The following ARL15 variants were observed in gnomAD, a reference collection of about 807,000 sequenced individuals.
ARL15 encodes ARF like GTPase 15, also known as ADP-ribosylation factor-like protein 15.
ARL15 carries 19 observed loss-of-function variants against 25.2 expected under a neutral mutation model. The observed-to-expected ratio is 0.75, with a 90% CI of 0.53 to 1.10. The LOEUF (loss-of-function observed/expected upper bound fraction) is 1.10, where lower values mean the gene tolerates loss of function less well. Among genes scored for constraint, ARL15 ranks in the 50% least tolerant of loss-of-function variants. The pLI is 0.00. For synonymous variants in ARL15, 94 were observed against 86.8 expected, an observed-to-expected ratio of 1.08 and a Z score of -0.46; for missense variants, 220 against 246.0, an observed-to-expected ratio of 0.89 and a Z score of 0.71.
intron 4 of ARL15, among the ~76,000 whole-genome samples, chr5:54,000,328 A>G (rs3776720): frequency 0.28 from 42,737 of 152,012 alleles, 6,241 homozygotes; most frequent in East Asian, 0.46. Context: ...GCTGCATGTG[A>G]GGGTGGTAAT....
At chr5:54,094,906 G>A (rs996220913) in intron 4 of ARL15, among the ~76,000 whole-genome samples, 3 of 152,148 alleles carry the variant, frequency 2.0e-5, no homozygotes, top group African/African-American at 4.8e-5. Context: ...GGATATTGCC[G>A]ACTTGCTAAA....
chr5:54,171,734 C>G, intron 2 of ARL15, 50 bp downstream of exon 2: 1 of 1,558,474 alleles, frequency 6.4e-7, no homozygotes, highest in Non-Finnish European at 8.7e-7. Flanking sequence ...GAAACTAGGA[C>G]ATCTTGGGAT....
chr5:54,145,683 G>C (rs1753887073), intron 3 of ARL15, among the ~76,000 whole-genome samples: 1 of 152,128 alleles, frequency 6.6e-6, no homozygotes, highest in South Asian at 2.1e-4. Context: ...TGCATCCTCA[G>C]GGCCTGGCAT....
chr5:54,038,233 A>G (rs1428439967), intron 4 of ARL15, among the ~76,000 whole-genome samples: 1 of 152,128 alleles, frequency 6.6e-6, no homozygotes, highest in Non-Finnish European at 1.5e-5. Flanking sequence ...TTATCCAAAC[A>G]TTATGCACTG....
rs138084011 is a variant in ARL15, at chr5:54,274,543, G to A, written c.48+35889C>T. Among the ~76,000 whole-genome samples the A allele has an allele frequency of 1.6e-3, 240 of 152,240 alleles. 1 individual carries two copies. Among genetic ancestry groups the A allele is most frequent in the Admixed American group, 1.6e-3 (25 of 15,298 alleles). On this transcript the variant is annotated intron_variant, in intron 1 of 4. Coordinates refer to ENST00000504924, the MANE Select transcript of ARL15 (RefSeq NM_019087.3). ...TGTAAATTCCCCTGCCAGAAAGGTGGTATGCTAGCCAGATGTTCTCACTCT... is the reference window on the plus strand; with the variant it reads ...TGTAAATTCCCCTGCCAGAAAGGTGATATGCTAGCCAGATGTTCTCACTCT...
At chr5:54,151,445 G>A (rs1348236866) in intron 3 of ARL15, among the ~76,000 whole-genome samples, 1 of 152,038 alleles carries the variant, frequency 6.6e-6, no homozygotes, top group African/African-American at 2.4e-5. Flanking sequence ...CCCTGAAGAT[G>A]AGGGCTGTGC....
In ARL15 at chr5:54,226,598, T is replaced by A. The variant is rs981255799; in HGVS notation, c.49-54670A>T. Among the ~76,000 whole-genome samples the A allele has an allele frequency of 3.3e-5, 5 of 152,212 alleles. No individual in the cohort carries two copies. In the East Asian group the frequency reaches 9.6e-4, roughly 29 times the overall value. On this transcript the variant is annotated intron_variant, in intron 1 of 4. Coordinates refer to ENST00000504924, the MANE Select transcript of ARL15 (RefSeq NM_019087.3). Reference sequence around the variant, plus strand: ...AAATATAACTTTCTGAATAGACTAATTTCAAAGACTGTTAAAAATAATCTT... The same window carrying A: ...AAATATAACTTTCTGAATAGACTAAATTCAAAGACTGTTAAAAATAATCTT...
intron 1 of ARL15, among the ~76,000 whole-genome samples, chr5:54,294,366 A>G (rs1758414855): frequency 5.3e-5 from 8 of 152,226 alleles, no homozygotes; most frequent in Admixed American, 4.6e-4. Context: ...ACATATGTAT[A>G]TTACGTTCAG....
At chr5:54,012,381 T>TA (rs1460323643) in intron 4 of ARL15, among the ~76,000 whole-genome samples, 86 of 152,314 alleles carry the variant, frequency 5.6e-4, no homozygotes, top group Non-Finnish European at 2.8e-4. Context: ...CCCTAGCTCT[T>TA]ATTTGGTCAC....
intron 1 of ARL15, among the ~76,000 whole-genome samples, chr5:54,197,038 T>C (rs1755569384): frequency 6.6e-6 from 1 of 152,194 alleles, no homozygotes; most frequent in Non-Finnish European, 1.5e-5. Flanking sequence ...TGGGATATTT[T>C]TGGGAAACAG....
At chr5:54,170,440 C>T (rs569345207) in intron 2 of ARL15, among the ~76,000 whole-genome samples, 27 of 152,260 alleles carry the variant, frequency 1.8e-4, no homozygotes, top group Admixed American at 6.5e-4. Context: ...ACTATCTACA[C>T]GAAAAGCCCA....
intron 1 of ARL15, among the ~76,000 whole-genome samples, chr5:54,271,317 G>A (rs1757777700): frequency 6.6e-6 from 1 of 152,132 alleles, no homozygotes; most frequent in African/African-American, 2.4e-5. Flanking sequence ...ATTGGTTCCA[G>A]GACCTCCTTC....
chr5:53,915,025 A>G (rs1463814373), intron 4 of ARL15, among the ~76,000 whole-genome samples: 2 of 152,100 alleles, frequency 1.3e-5, no homozygotes, highest in Non-Finnish European at 2.9e-5. Flanking sequence ...TGGCCAGGCT[A>G]GTCTCAAACT....
intron 1 of ARL15, among the ~76,000 whole-genome samples, chr5:54,235,048 T>C (rs1756767565): frequency 6.6e-6 from 1 of 152,218 alleles, no homozygotes; most frequent in Admixed American, 6.5e-5. Context: ...GTTCAAATTA[T>C]GTCTTATTAA....
At chr5:54,252,881 A>G (rs1409206720) in intron 1 of ARL15, among the ~76,000 whole-genome samples, 1 of 151,974 alleles carries the variant, frequency 6.6e-6, no homozygotes, top group Non-Finnish European at 1.5e-5. Context: ...GCGCACCACC[A>G]TGCCTGGAAT....
Position 54,020,543 on chromosome 5 carries a change from G to C in ARL15, c.462+92659C>G, listed in dbSNP as rs182701533. ...GAGCAGTATCAGACGACATCTACTA[G>C]ACAGAAGGTCTCAAAAAGATCCATC... On this transcript the variant is annotated intron_variant, in intron 4 of 4. Coordinates refer to ENST00000504924, the MANE Select transcript of ARL15 (RefSeq NM_019087.3). Among the ~76,000 whole-genome samples the C allele has an allele frequency of 1.6e-3, 245 of 152,284 alleles. 1 individual carries two copies. The highest frequency in any genetic ancestry group is 1.5e-3 in the Admixed American group (23 of 15,286).
intron 4 of ARL15, among the ~76,000 whole-genome samples, chr5:53,974,357 TGTTTTCCTCCTCAATA>T (rs774833904): frequency 5.3e-5 from 8 of 152,214 alleles, no homozygotes; most frequent in Non-Finnish European, 1.0e-4. Context: ...CTAGGTGATT[TGTTTTCCTCCTCAATA>T]ATCTGCCCTT....
At chr5:54,058,422 AC>A (rs1395628712) in intron 4 of ARL15, among the ~76,000 whole-genome samples, 3 of 152,098 alleles carry the variant, frequency 2.0e-5, no homozygotes, top group Non-Finnish European at 4.4e-5. Context: ...CTTACTTTAT[AC>A]CCGCCATTGT....
intron 4 of ARL15, among the ~76,000 whole-genome samples, chr5:54,110,498 C>T (rs985653871): frequency 1.3e-5 from 2 of 151,992 alleles, no homozygotes; most frequent in Non-Finnish European, 1.5e-5. Flanking sequence ...AAGTTTAGTG[C>T]TTTTTGGTAA....
Sources: gnomAD v4.1 joint callset for allele counts (sites outside exome capture counted in the v4.1 genomes callset) on GRCh38, gnomAD v4.1.1 for gene constraint, MANE v1.5 for transcripts, NCBI Gene and HGNC (gene_info 2026-07-23, HGNC 2026-07-21) for gene names.